Variants in GNG7 observed in about 807,000 individuals in gnomAD.
The protein encoded by GNG7 is guanine nucleotide-binding protein G(I)/G(S)/G(O) subunit gamma-7.
A neutral mutation model predicts 4.0 loss-of-function variants in GNG7; 1 was observed. That is an observed-to-expected ratio of 0.25 (90% CI 0.09 to 1.18). GNG7 has a LOEUF of 1.18. GNG7 is among the 50% of genes most tolerant of loss of function. The pLI is 0.50. For missense variants in GNG7, 86 were observed against 91.9 expected (o/e 0.94, Z 0.26); for synonymous variants, 34 against 36.9 (o/e 0.92, Z 0.29).
intron 3 of GNG7, among the ~76,000 whole-genome samples, chr19:2,548,348 G>A (rs2144754317): frequency 6.6e-6 from 1 of 151,712 alleles, no homozygotes; most frequent in East Asian, 1.9e-4. Flanking sequence ...GGGTGTGGTG[G>A]CGGGCGCCTG....
In GNG7 at chr19:2,661,275, A is replaced by G. The variant is rs1376622094; in HGVS notation, c.-134-14995T>C. On this transcript the variant is annotated intron_variant, in intron 1 of 4. Transcript: ENST00000382159. The stretch of plus-strand genomic sequence containing the variant: ...AAAGAAAGAAAGAAAGAAAGAAAAG[A>G]AAGAAAGAAAGAAAGAAAGAAAGAA... Among the ~76,000 whole-genome samples the G allele has an allele frequency of 1.6e-3, 21 of 12,776 alleles. 1 individual carries two copies. Among genetic ancestry groups the G allele is most frequent in the South Asian group, 4.5e-3 (1 of 222 alleles). 8.4% of individuals were successfully genotyped at this position (12,776 alleles called of 152,430 possible).
intron 3 of GNG7, among the ~76,000 whole-genome samples, chr19:2,550,788 C>G (rs1979292345): frequency 6.6e-6 from 1 of 152,134 alleles, no homozygotes; most frequent in South Asian, 2.1e-4. Context: ...GCCCTGCTCC[C>G]CAGGGATCCT....
At chr19:2,582,053 T>G (rs1165267241) in intron 2 of GNG7, among the ~76,000 whole-genome samples, 1 of 152,208 alleles carries the variant, frequency 6.6e-6, no homozygotes, top group Non-Finnish European at 1.5e-5. Flanking sequence ...AGACAAAAAG[T>G]TGAGGTCCTT....
chr19:2,669,831 G>A (rs1399363509), intron 1 of GNG7, among the ~76,000 whole-genome samples: 1 of 151,876 alleles, frequency 6.6e-6, no homozygotes, highest in African/African-American at 2.4e-5. Flanking sequence ...CCAACACGGT[G>A]AAACCCCGTC....
intron 1 of GNG7, among the ~76,000 whole-genome samples, chr19:2,675,065 T>C (rs1291345145): frequency 6.6e-6 from 1 of 152,218 alleles, no homozygotes; most frequent in African/African-American, 2.4e-5. Flanking sequence ...GGACTGGTAA[T>C]GTTTTAACAC....
chr19:2,677,252 C>CATT (rs372380919), intron 1 of GNG7, among the ~76,000 whole-genome samples: 1,594 of 85,852 alleles, frequency 0.019, 42 homozygotes, highest in African/African-American at 0.072. Context: ...CAGAGAATTC[C>CATT]ATTTTTTTTT....
chr19:2,536,932 ATATTTT>A (rs137944197), intron 3 of GNG7, among the ~76,000 whole-genome samples: 39,707 of 145,650 alleles, frequency 0.27, 5,237 homozygotes, highest in East Asian at 0.49. Context: ...ATATACATAC[ATATTTT>A]TATTTTTATT....
intron 2 of GNG7, among the ~76,000 whole-genome samples, chr19:2,573,798 A>G (rs932967415): frequency 1.3e-5 from 2 of 152,134 alleles, no homozygotes; most frequent in African/African-American, 4.8e-5. Flanking sequence ...AGCCGAGATC[A>G]CGCCACTGCA....
intron 1 of GNG7, among the ~76,000 whole-genome samples, chr19:2,677,018 T>C (rs1213834627): frequency 2.0e-5 from 3 of 152,144 alleles, no homozygotes; most frequent in Admixed American, 1.3e-4. Flanking sequence ...GTGATCCGGC[T>C]CTCAGCTCTA....
chr19:2,662,259 C>CA (rs5826780), intron 1 of GNG7, among the ~76,000 whole-genome samples: 27,799 of 73,390 alleles, frequency 0.38, 3,833 homozygotes, highest in East Asian at 0.57. Context: ...GACTCCATCT[C>CA]AAAAAAAAAA....
In GNG7 at chr19:2,563,094, A is replaced by G. The variant is rs192762628; in HGVS notation, c.-77-7906T>C. ...CAAGTAGCTGGGACTACAGGCGCCC[A>G]CCACCACGCCCAGCTAATTTTTTTT... On this transcript the variant is annotated intron_variant, in intron 2 of 4. Transcript: ENST00000382159. 4.5e-3 allele frequency among the ~76,000 whole-genome samples: 677 copies of G among 151,108 alleles called. 10 individuals carry two copies. The highest frequency in any genetic ancestry group is 0.045 in the East Asian group (228 of 5,096).
chr19:2,550,830 T>C (rs1979294147), intron 3 of GNG7, among the ~76,000 whole-genome samples: 1 of 152,158 alleles, frequency 6.6e-6, no homozygotes, highest in Non-Finnish European at 1.5e-5. Flanking sequence ...GCAGTGGACC[T>C]GGCCTGCAGG....
chr19:2,590,346 T>A (rs943234068), intron 2 of GNG7, among the ~76,000 whole-genome samples: 1 of 152,226 alleles, frequency 6.6e-6, no homozygotes, highest in African/African-American at 2.4e-5. Flanking sequence ...CCATATCTTA[T>A]AGATAAAACT....
chr19:2,609,100 C>T lies in GNG7; in HGVS notation c.-78+37124G>A, dbSNP rs1981482834. On this transcript the variant is annotated intron_variant, in intron 2 of 4. Transcript: ENST00000382159. The surrounding 1 kb of genome is among the most constrained non-coding windows in gnomAD (Gnocchi z 4.4). ...GGAGTGCAGTGGTGCGATCTTGGCT[C>T]ACCGCAACCTCTGCCTCTCAGGTTC... Among the ~76,000 whole-genome samples, 1 of 152,086 alleles carries T rather than the reference C, an allele frequency of 6.6e-6. No individual in the cohort carries two copies. Among genetic ancestry groups the T allele is most frequent in the Non-Finnish European group, 1.5e-5 (1 of 68,028 alleles).
At chr19:2,685,711 C>A (rs563262633) in intron 1 of GNG7, among the ~76,000 whole-genome samples, 2 of 152,102 alleles carry the variant, frequency 1.3e-5, no homozygotes, top group Non-Finnish European at 2.9e-5. Flanking sequence ...TGGGAAGTCA[C>A]GAGGCCCCGT....
rs1017291714 is a variant in GNG7 at position 2,568,340 on chromosome 19, GACAT to G, written c.-77-13156_-77-13153del. Among the ~76,000 whole-genome samples, 96 of 140,314 alleles carry G rather than the reference GACAT, an allele frequency of 6.8e-4. 1 individual carries two copies. Among genetic ancestry groups the G allele is most frequent in the Admixed American group, 1.5e-3 (22 of 14,294 alleles). The allele number at this position is 140,314 out of a possible 152,430, so 92.1% of individuals were successfully genotyped here. A position where few individuals can be genotyped will look rare whatever the true frequency, so the allele number is the denominator to read the frequency against. On this transcript the variant is annotated intron_variant, in intron 2 of 4. Coordinates refer to ENST00000382159, the MANE Select transcript of GNG7 (RefSeq NM_052847.3). ...GCACACACACATATACACACATATA[GACAT>G]ACATACACACACGTGCACATACACA... is the stretch of plus-strand genomic sequence containing the variant.
intron 2 of GNG7, among the ~76,000 whole-genome samples, chr19:2,623,562 C>T (rs915191694): frequency 1.3e-5 from 2 of 152,180 alleles, no homozygotes; most frequent in East Asian, 1.9e-4. Flanking sequence ...GAGGACGTCA[C>T]GCTCAGTGAG....
At chr19:2,628,847 C>T (rs1005107210) in intron 2 of GNG7, among the ~76,000 whole-genome samples, 3 of 152,140 alleles carry the variant, frequency 2.0e-5, no homozygotes, top group African/African-American at 7.2e-5. Context: ...GAATCTTCGT[C>T]GCATCTGCAA....
rs796899840 is a variant in GNG7, at chr19:2,633,487, GCACACACACA to G, written c.-78+12727_-78+12736del. On this transcript the variant is annotated intron_variant, in intron 2 of 4. Transcript: ENST00000382159. This position sits in a 1 kb window ranked among gnomAD's most constrained non-coding sequence, Gnocchi z 5.9. ...TAGCAACAGGCGCGCGCGCGCGCGC[GCACACACACA>G]CACACACACACACACACACACACAC... Among the ~76,000 whole-genome samples, 61 of 103,810 alleles carry G rather than the reference GCACACACACA, an allele frequency of 5.9e-4. No individual in the cohort carries two copies. The highest frequency in any genetic ancestry group is 1.7e-3 in the South Asian group (5 of 2,940). The allele number at this position is 103,810 out of a possible 152,430, so 68.1% of individuals were successfully genotyped here.
Sources: allele counts gnomAD v4.1 joint callset (sites outside exome capture counted in the v4.1 genomes callset), GRCh38; gene constraint gnomAD v4.1.1; non-coding constraint Gnocchi (gnomAD v3.1); transcripts MANE v1.5; gene names NCBI Gene and HGNC (gene_info 2026-07-23, HGNC 2026-07-21).